SGCD: variants seen among roughly 807,000 people sequenced by gnomAD.
SGCD encodes the protein delta-sarcoglycan.
A neutral mutation model predicts 36.6 loss-of-function variants in SGCD; 18 were observed. The ratio of observed to expected loss-of-function variants is 0.49; its 90% CI spans 0.34 to 0.73. SGCD has a LOEUF of 0.73. SGCD is among the 30% of genes least tolerant of loss of function. The pLI, the probability that SGCD is intolerant of heterozygous loss-of-function variation, is 0.01. For missense variants in SGCD, 387 were observed against 346.7 expected (o/e 1.12, Z -0.92); for synonymous variants, 133 against 130.6 (o/e 1.02, Z -0.12).
intron 1 of SGCD, among the ~76,000 whole-genome samples, chr5:156,110,746 A>G (rs1216317980): frequency 5.3e-5 from 8 of 152,138 alleles, no homozygotes; most frequent in Admixed American, 6.6e-5. Context: ...AATTATCAGT[A>G]ATGTTTTATT....
intron 1 of SGCD, among the ~76,000 whole-genome samples, chr5:156,101,734 A>G (rs963876064): frequency 8.5e-5 from 13 of 152,176 alleles, no homozygotes; most frequent in African/African-American, 2.9e-4. Context: ...TGTAACTCAA[A>G]CTGCATGGAA....
intron 3 of SGCD, 40 bp downstream of exon 3, chr5:156,344,717 G>A: frequency 6.8e-7 from 1 of 1,480,834 alleles, no homozygotes; most frequent in Middle Eastern, 1.7e-4. Context: ...TTTCTTCCGG[G>A]AGGGGAAGCG....
intron 7 of SGCD, among the ~76,000 whole-genome samples, chr5:156,718,188 G>A (rs1487679387): frequency 6.6e-6 from 1 of 152,092 alleles, no homozygotes; most frequent in Non-Finnish European, 1.5e-5. Flanking sequence ...TCCATGCCAT[G>A]TTCTTCTCTG....
At position 155,936,252 on chromosome 5, in the gene SGCD, C is replaced by T. The variant is rs150380424; in HGVS notation, c.-282+65828C>T. 3.4e-3 allele frequency among the ~76,000 whole-genome samples: 523 copies of T among 152,240 alleles called. 7 individuals are homozygous for T. The highest frequency in any genetic ancestry group is 0.012 in the African/African-American group (497 of 41,546). On this transcript the variant is annotated intron_variant, in intron 1 of 9. Transcript: ENST00000517913. ...TTTAGCCCTGCCATTCGACGGGTCC[C>T]GAGTTCTTGTTCTGCACCCAGGAAG...
At chr5:155,728,122 G>A in the SGCD span, among the ~76,000 whole-genome samples, 1 of 152,114 alleles carries the variant, frequency 6.6e-6, no homozygotes, top group African/African-American at 2.4e-5. Context: ...GCGCCTTCGG[G>A]AGCCTCTCGG....
intron 3 of SGCD, among the ~76,000 whole-genome samples, chr5:156,315,580 G>A (rs1354359744): frequency 1.3e-5 from 2 of 151,890 alleles, no homozygotes; most frequent in Admixed American, 6.6e-5. Context: ...ACACACAAGT[G>A]AGTTTATTGG....
At chr5:156,083,509 G>C (rs1488992431) in intron 1 of SGCD, among the ~76,000 whole-genome samples, 2 of 150,904 alleles carry the variant, frequency 1.3e-5, no homozygotes, top group Admixed American at 1.3e-4. Flanking sequence ...TGGTCAGGTT[G>C]GTCTCGAACT....
chr5:156,183,223 A>T (rs570901492), intron 3 of SGCD, among the ~76,000 whole-genome samples: 6 of 152,292 alleles, frequency 3.9e-5, no homozygotes, highest in African/African-American at 1.4e-4. Flanking sequence ...AGGTGGAAAA[A>T]TGGAGTGTCT....
the SGCD span, among the ~76,000 whole-genome samples, chr5:155,851,597 T>C: frequency 6.6e-6 from 1 of 152,106 alleles, no homozygotes; most frequent in Non-Finnish European, 1.5e-5. Context: ...GCTACCTGAG[T>C]GTCAGTGAAG....
At chr5:155,913,569 G>A (rs193287744) in intron 1 of SGCD, among the ~76,000 whole-genome samples, 24 of 151,994 alleles carry the variant, frequency 1.6e-4, no homozygotes, top group South Asian at 4.2e-4. Context: ...AATTAAAAAC[G>A]TTATCATATA....
At chr5:155,878,704 C>A (rs528673984) in intron 1 of SGCD, among the ~76,000 whole-genome samples, 1 of 152,074 alleles carries the variant, frequency 6.6e-6, no homozygotes, top group Non-Finnish European at 1.5e-5. Context: ...GATTGCCAGC[C>A]AATGGTGTCT....
intron 4 of SGCD, among the ~76,000 whole-genome samples, chr5:156,538,861 C>T (rs961228077): frequency 6.6e-6 from 1 of 151,962 alleles, no homozygotes; most frequent in Non-Finnish European, 1.5e-5. Flanking sequence ...TTTCTTTGTT[C>T]CAGTATTAAT....
At chr5:156,595,649 T>G (rs983309504) in intron 6 of SGCD, among the ~76,000 whole-genome samples, 3 of 152,196 alleles carry the variant, frequency 2.0e-5, no homozygotes, top group Non-Finnish European at 4.4e-5. Context: ...GAAGTCTCAT[T>G]TAGAACATCC....
the SGCD span, among the ~76,000 whole-genome samples, chr5:155,780,312 T>G: frequency 6.6e-6 from 1 of 152,170 alleles, no homozygotes; most frequent in African/African-American, 2.4e-5. Flanking sequence ...CTGAGTAAAT[T>G]GTATGTGCTC....
At chr5:156,504,099 G>C (rs1230835760) in intron 3 of SGCD, among the ~76,000 whole-genome samples, 2 of 151,798 alleles carry the variant, frequency 1.3e-5, no homozygotes, top group East Asian at 3.9e-4. Context: ...AGCTACTCAG[G>C]AGGCTGAGGT....
intron 1 of SGCD, among the ~76,000 whole-genome samples, chr5:155,967,519 C>T (rs1300271837): frequency 1.3e-5 from 2 of 151,986 alleles, no homozygotes; most frequent in African/African-American, 2.4e-5. Flanking sequence ...AGGTTTCCAT[C>T]ATGATGGAAA....
chr5:156,230,510 C>T (rs760488459), intron 3 of SGCD, among the ~76,000 whole-genome samples: 10 of 152,170 alleles, frequency 6.6e-5, no homozygotes, highest in Non-Finnish European at 1.3e-4. Flanking sequence ...GGGTTGTCTG[C>T]ACAGACTCCT....
At chr5:156,556,731 T>C (rs1759036028) in intron 4 of SGCD, among the ~76,000 whole-genome samples, 1 of 152,198 alleles carries the variant, frequency 6.6e-6, no homozygotes, top group South Asian at 2.1e-4. Context: ...ACTCTCAGAT[T>C]GCCTGAGAAA....
intron 3 of SGCD, among the ~76,000 whole-genome samples, chr5:156,263,853 T>C (rs1448452330): frequency 2.0e-5 from 3 of 152,142 alleles, no homozygotes; most frequent in Non-Finnish European, 4.4e-5. Flanking sequence ...TAGGATGTCC[T>C]TTTTCCACTT....
Sources: allele counts gnomAD v4.1 joint callset (sites outside exome capture counted in the v4.1 genomes callset), GRCh38; gene constraint gnomAD v4.1.1; transcripts MANE v1.5; gene names NCBI Gene and HGNC (gene_info 2026-07-23, HGNC 2026-07-21).